Variants in RIF1 observed in about 807,000 individuals in gnomAD.
The protein encoded by RIF1 is replication timing regulatory factor 1.
RIF1 carries 45 observed loss-of-function variants against 247.1 expected under a neutral mutation model. The observed-to-expected ratio is 0.18, with a 90% confidence interval of 0.14 to 0.23. The LOEUF (loss-of-function observed/expected upper bound fraction) is 0.23, where lower values mean the gene tolerates loss of function less well. RIF1 is among the 10% of genes least tolerant of loss of function. The pLI is 1.00. For missense variants in RIF1, 2,967 were observed against 2,862.5 expected (o/e 1.04, Z -0.83); for synonymous variants, 1,087 against 978.8 (o/e 1.11, Z -2.06).
chr2:151,460,083 A>G lies in RIF1; in HGVS notation c.3039A>G (p.Thr1013=), dbSNP rs931859869. The G allele has an allele frequency of 1.3e-6, 2 of 1,568,996 alleles. No individual in the cohort carries two copies. Among genetic ancestry groups the G allele is most frequent in the Non-Finnish European group, 1.7e-6 (2 of 1,153,278 alleles). The stretch of plus-strand genomic sequence containing the variant: ...AAAGAGATTCATTTTTGGCACAAAC[A>G]AAGAATAAAAAAGAAAATATGAAAC... The part of the protein sequence containing the change: ...NGKRDSFLAQ[T]KNKKENMKPA... The change falls in exon 26 of 36, where the codon ACA becomes ACG. Residue 1013 remains threonine, a synonymous_variant. Transcript: ENST00000444746.
rs1263870106 is a variant in RIF1 at position 151,489,903 on chromosome 2, C to T, written c.*416-5326C>T. On this transcript the variant is annotated intron_variant and NMD_transcript_variant, in intron 9 of 13. Coordinates refer to the RIF1 transcript ENST00000454583. ...TTAAAAAAAACCGTAATACCTAATA[C>T]TTATAATCATGTTTGCACATATCAA... The T allele has an allele frequency of 5.6e-6, 7 of 1,249,044 alleles. No homozygotes were observed. In the African/African-American group the frequency reaches 1.0e-4, roughly 18 times the overall value. The allele number at this position is 1,249,044 out of a possible 1,614,324, so 77.4% of individuals were successfully genotyped here.
At chr2:151,456,409 CTTAATAT>C (rs1191922327) in intron 22 of RIF1, among the ~76,000 whole-genome samples, 162 bp from the exon 23 acceptor site, 1 of 152,016 alleles carries the variant, frequency 6.6e-6, no homozygotes, top group Non-Finnish European at 1.5e-5. Flanking sequence ...TGGTTTTATG[CTTAATAT>C]TTAGTATTTG....
Position 151,440,041 on chromosome 2 carries a change from A to G in RIF1, c.1561A>G (p.Lys521Glu). 6.4e-7 allele frequency: 1 copy of G among 1,569,692 alleles called. No individual in the cohort carries two copies. Among genetic ancestry groups the G allele is most frequent in the Non-Finnish European group, 8.7e-7 (1 of 1,150,584 alleles). Residue 521 changes from lysine to glutamate, a missense_variant, in exon 15 of 36, where the codon AAA (lysine) becomes GAA (glutamate). By Grantham distance (56) the Lys-to-Glu change is moderately conservative. This residue lies in a region of RIF1 where 369 missense variants were observed against 322.0 expected (regional missense o/e 1.15). Coordinates refer to ENST00000444746, the MANE Select transcript of RIF1 (RefSeq NM_018151.5). ...CTTTTTGATAGGTAACAAAAAAGAG[A>G]AACCAGGTTCTGAAGTTTTGACTCT... ...SVTESGNKKE[K>E]PGSEVLTLLL...
downstream of RIF1, among the ~76,000 whole-genome samples, chr2:151,511,834 G>A (rs1427401031): frequency 6.6e-6 from 1 of 152,076 alleles, no homozygotes; most frequent in Non-Finnish European, 1.5e-5. Context: ...GTTTGAGATT[G>A]GTAATCCAAA....
Position 151,465,593 on chromosome 2 carries a change from A to G in RIF1, c.6073A>G (p.Met2025Val), listed in dbSNP as rs766507505. The G allele has an allele frequency of 1.1e-5, 17 of 1,613,858 alleles. No homozygotes were observed. In the South Asian group the frequency reaches 1.8e-4, roughly 17 times the overall value. Residue 2025 changes from methionine to valine, a missense_variant, in exon 30 of 36, where the codon ATG becomes GTG. Transcript: ENST00000444746. ...CAAAATGAAAAATAATGAAGAAATG[A>G]TGATCGGCGAGGCAATGGCTGAAAC... ...NTKMKNNEEM[M>V]IGEAMAETGH...
At chr2:151,435,066 G>A (rs1406614193) in intron 10 of RIF1, among the ~76,000 whole-genome samples, 5 of 151,816 alleles carry the variant, frequency 3.3e-5, no homozygotes, top group Admixed American at 3.3e-4. Context: ...CCATTATAAG[G>A]GTCCAATAGG....
chr2:151,440,326 A>G (rs115149310), intron 15 of RIF1, among the ~76,000 whole-genome samples, 199 bp downstream of exon 15: 1,662 of 152,298 alleles, frequency 0.011, 35 homozygotes, highest in African/African-American at 0.037. Flanking sequence ...CTATAACAAC[A>G]GCCACAAAAG....
At chr2:151,483,744 C>T (rs1341245912), downstream of RIF1, among the ~76,000 whole-genome samples, 1 of 152,192 alleles carries the variant, frequency 6.6e-6, no homozygotes, top group Non-Finnish European at 1.5e-5. Flanking sequence ...ACAGGCTGTA[C>T]AGCAGGAGGT....
At chr2:151,533,015 A>G in the RIF1 span, among the ~76,000 whole-genome samples, 3 of 152,182 alleles carry the variant, frequency 2.0e-5, no homozygotes, top group African/African-American at 7.2e-5. Context: ...CTGCACGGTA[A>G]TCCTCATCTC....
At chr2:151,515,176 T>G in the RIF1 span, among the ~76,000 whole-genome samples, 1 of 152,188 alleles carries the variant, frequency 6.6e-6, no homozygotes, top group Non-Finnish European at 1.5e-5. Flanking sequence ...ATGTTGTGAC[T>G]GGGGCAGGCC....
At chr2:151,534,209 C>G in the RIF1 span, 2 of 1,611,170 alleles carry the variant, frequency 1.2e-6, no homozygotes, top group South Asian at 2.2e-5. Flanking sequence ...AGCCCCATCA[C>G]AGTACCTGAC....
rs772248106 is a variant in RIF1 at position 151,458,767 on chromosome 2, GTAC to G, written c.2856-39_2856-37del. On this transcript the variant is annotated intron_variant, in intron 24 of 35. Transcript: ENST00000444746. The stretch of plus-strand genomic sequence containing the variant: ...GTTAACAGATCATCAGTGTTCACCA[GTAC>G]TACTTGACTTAAGGTATATATTTTA... The G allele has an allele frequency of 3.6e-6, 4 of 1,111,278 alleles. No homozygotes were observed. The African/African-American group carries it at 6.3e-5, about 17-fold the overall frequency. The allele number at this position is 1,111,278 out of a possible 1,614,324, so 68.8% of individuals were successfully genotyped here. A position where few individuals can be genotyped will look rare whatever the true frequency, so the allele number is the denominator to read the frequency against.
intron 13 of RIF1, 43 bp from the exon 14 acceptor site, chr2:151,438,641 T>C (rs1558968944): frequency 1.6e-6 from 2 of 1,279,466 alleles, no homozygotes; most frequent in East Asian, 2.3e-5. Context: ...TACGTAGTCA[T>C]ATGTACTTCA....
In RIF1 at chr2:151,468,045, G is replaced by T; in HGVS notation, c.6646G>T (p.Ala2216Ser). The change falls in exon 31 of 36, where the codon GCA (alanine) becomes TCA (serine). Residue 2216 changes from alanine (A) to serine (S), a missense_variant. Coordinates refer to ENST00000444746, the MANE Select transcript of RIF1 (RefSeq NM_018151.5). The part of the protein sequence containing the change: ...FADPIYQAGL[A>S]DDIDRRCSIV... Reference sequence around the variant, plus strand: ...AGATCCAATATACCAAGCAGGATTGGCAGATGACATTGATAGACGGTGCTC... The same window carrying T: ...AGATCCAATATACCAAGCAGGATTGTCAGATGACATTGATAGACGGTGCTC... 2 of 1,613,700 alleles carry T rather than the reference G, an allele frequency of 1.2e-6. No individual in the cohort carries two copies. The highest frequency in any genetic ancestry group is 1.7e-6 in the Non-Finnish European group (2 of 1,179,852).
rs879082099 is a variant in RIF1 at position 151,410,668 on chromosome 2, G to T, written c.104+141G>T. On this transcript the variant is annotated intron_variant, in intron 2 of 35. Coordinates refer to ENST00000444746, the MANE Select transcript of RIF1 (RefSeq NM_018151.5). The stretch of plus-strand genomic sequence containing the variant: ...GGACGCCCGAGTCGCGGACGCCTTG[G>T]GGGGCGGGGGAGATGTATTCTAGGT... 5.4e-5 allele frequency: 37 copies of T among 688,128 alleles called. 1 individual carries two copies. The highest frequency in any genetic ancestry group is 8.6e-5 in the Non-Finnish European group (34 of 397,000). 42.6% of individuals were successfully genotyped at this position (688,128 alleles called of 1,614,324 possible).
intron 13 of RIF1, chr2:151,506,829 A>T: frequency 1.1e-6 from 1 of 907,156 alleles, no homozygotes; most frequent in Non-Finnish European, 1.8e-6. Context: ...TGTGTGTATC[A>T]ATATAAGGCT....
rs117398168 is a variant in RIF1, at chr2:151,428,630, A to G, written c.787-154A>G. On this transcript the variant is annotated intron_variant, in intron 8 of 35. Coordinates refer to ENST00000444746, the MANE Select transcript of RIF1 (RefSeq NM_018151.5). ...TTTTAACATATCTAACATTTAACACATCTCTTTATGTTTTGTGAATAATTT... is the reference window on the plus strand; with the variant it reads ...TTTTAACATATCTAACATTTAACACGTCTCTTTATGTTTTGTGAATAATTT... 7.9e-5 allele frequency among the ~76,000 whole-genome samples: 12 copies of G among 152,302 alleles called. No individual in the cohort carries two copies. In the East Asian group the frequency reaches 2.3e-3, roughly 29 times the overall value.
rs2069406773 is a variant in RIF1, at chr2:151,506,825, T to TATCA, written c.*1027+453_*1027+456dup. ...GAGGAGGTTAGATGTTAATTGTGTGTATCAATATAAGGCTAGTATATTTTT... is the reference window on the plus strand; with the variant it reads ...GAGGAGGTTAGATGTTAATTGTGTGTATCAATCAATATAAGGCTAGTATATTTTT... On this transcript the variant is annotated intron_variant and NMD_transcript_variant, in intron 13 of 13. Coordinates refer to the RIF1 transcript ENST00000454583. 3.4e-6 allele frequency: 3 copies of TATCA among 880,730 alleles called. No individual in the cohort carries two copies. In the East Asian group the frequency reaches 7.4e-5, roughly 22 times the overall value. The allele number at this position is 880,730 out of a possible 1,614,324, so 54.6% of individuals were successfully genotyped here. A position where few individuals can be genotyped will look rare whatever the true frequency, so the allele number is the denominator to read the frequency against.
chr2:151,462,398 A>G lies in RIF1; in HGVS notation c.3309-14A>G, dbSNP rs775583593. 2 of 1,491,242 alleles carry G rather than the reference A, an allele frequency of 1.3e-6. No individual in the cohort carries two copies. The highest frequency in any genetic ancestry group is 1.4e-5 in the African/African-American group (1 of 71,246). 92.4% of individuals were successfully genotyped at this position (1,491,242 alleles called of 1,614,324 possible). A position where few individuals can be genotyped will look rare whatever the true frequency, so the allele number is the denominator to read the frequency against. ...TAATTATAAAAATAATATTCTTACT[A>G]ATATTTATTTCAGGGAAATTCCTAC... On this transcript the variant is annotated splice_polypyrimidine_tract_variant and intron_variant, in intron 28 of 35. Coordinates refer to ENST00000444746, the MANE Select transcript of RIF1 (RefSeq NM_018151.5).
Sources: gnomAD v4.1 joint callset for allele counts (sites outside exome capture counted in the v4.1 genomes callset) on GRCh38, gnomAD v4.1.1 for gene constraint, gnomAD v4.1.1 regional missense constraint, MANE v1.5 for transcripts, NCBI Gene and HGNC (gene_info 2026-07-23, HGNC 2026-07-21) for gene names.